The following LRFN1 variants were observed in gnomAD, a reference collection of about 807,000 sequenced individuals.
LRFN1 encodes the protein leucine-rich repeat and fibronectin type III domain-containing protein 1.
Under a neutral mutation model 31.8 loss-of-function variants are expected in LRFN1, and 20 were observed. The ratio of observed to expected loss-of-function variants is 0.63; its 90% CI spans 0.44 to 0.91. The LOEUF (loss-of-function observed/expected upper bound fraction) is 0.91. LRFN1 is among the 40% of genes least tolerant of loss of function. LRFN1 has a pLI of 0.00. For missense variants in LRFN1, 912 were observed against 1,129.8 expected (o/e 0.81, Z 2.76); for synonymous variants, 514 against 541.3 (o/e 0.95, Z 0.70).
chr19:39,317,048 G>A (rs1256335597), intron 2 of LRFN1, among the ~76,000 whole-genome samples: 1 of 152,072 alleles, frequency 6.6e-6, no homozygotes, highest in African/African-American at 2.4e-5. Flanking sequence ...GAGAGACCAG[G>A]GGGAGGGAGA....
At position 39,308,807 on chromosome 19, in the gene LRFN1, C is replaced by G. The variant is rs1036848559; in HGVS notation, c.1407-265G>C. On this transcript the variant is annotated intron_variant, in intron 4 of 4. Coordinates refer to ENST00000248668, the MANE Select transcript of LRFN1 (RefSeq NM_020862.2). The surrounding 1 kb of genome is among the most constrained non-coding windows in gnomAD (Gnocchi z 6.2). Reference sequence around the variant, plus strand: ...GACAATATATCTATCATTCGTATTACCTCCTCTGCATATCCCGGCCCCTGC... The same window carrying G: ...GACAATATATCTATCATTCGTATTAGCTCCTCTGCATATCCCGGCCCCTGC... Among the ~76,000 whole-genome samples, 2 of 152,220 alleles carry G rather than the reference C, an allele frequency of 1.3e-5. No homozygotes were observed. The highest frequency in any genetic ancestry group is 2.9e-5 in the Non-Finnish European group (2 of 68,046).
At chr19:39,317,147 CTG>C (rs1430305967) in intron 2 of LRFN1, among the ~76,000 whole-genome samples, 3 of 151,460 alleles carry the variant, frequency 2.0e-5, no homozygotes, top group Non-Finnish European at 1.5e-5. Context: ...AGACAGAAAA[CTG>C]AGAGTGAAGA....
In LRFN1 at chr19:39,308,533, C is replaced by T. The variant is rs142978892; in HGVS notation, c.1416G>A (p.Pro472=). Residue 472 remains proline (P), a synonymous_variant, in exon 5 of 5, where the codon CCG becomes CCA. Transcript: ENST00000248668. The surrounding 1 kb of genome is among the most constrained non-coding windows in gnomAD (Gnocchi z 6.2). ...VDDSLVYRMI[P]STSQTFLVND... ...TCACCAGGAAGGTCTGACTGGTGGACGGGATCATCCTGTAGGAGGGGGCGG... is the reference window on the plus strand; with the variant it reads ...TCACCAGGAAGGTCTGACTGGTGGATGGGATCATCCTGTAGGAGGGGGCGG... The T allele has an allele frequency of 8.0e-7, 1 of 1,256,804 alleles. No homozygotes were observed. Among genetic ancestry groups the T allele is most frequent in the African/African-American group, 1.5e-5 (1 of 66,724 alleles). The allele number at this position is 1,256,804 out of a possible 1,614,324, so 77.9% of individuals were successfully genotyped here.
chr19:39,309,331 G>A (rs1156477748), intron 4 of LRFN1, among the ~76,000 whole-genome samples: 3 of 152,092 alleles, frequency 2.0e-5, no homozygotes, highest in East Asian at 3.9e-4. Flanking sequence ...GCAGGCACCT[G>A]TAATCCTAGC....
intron 1 of LRFN1, among the ~76,000 whole-genome samples, chr19:39,320,468 C>T (rs552773010): frequency 6.6e-6 from 1 of 152,032 alleles, no homozygotes; most frequent in Admixed American, 6.5e-5. Context: ...CACCTGGGCA[C>T]ACAACCCACG....
intron 4 of LRFN1, among the ~76,000 whole-genome samples, chr19:39,309,986 C>A (rs2075145248): frequency 1.3e-5 from 2 of 152,134 alleles, no homozygotes; most frequent in African/African-American, 4.8e-5. Flanking sequence ...GAGACAGACT[C>A]TCGCTGTGTC....
intron 4 of LRFN1, among the ~76,000 whole-genome samples, chr19:39,312,211 T>C (rs930484536): frequency 1.3e-5 from 2 of 151,194 alleles, no homozygotes; most frequent in African/African-American, 4.9e-5. Context: ...GGAAAGCACC[T>C]ACTATGTGCC....
Position 39,314,622 on chromosome 19 carries a change from G to A in LRFN1, c.715C>T (p.Pro239Ser), listed in dbSNP as rs759364287. The A allele has an allele frequency of 3.7e-6, 6 of 1,610,150 alleles. No homozygotes were observed. The highest frequency in any genetic ancestry group is 4.2e-6 in the Non-Finnish European group (5 of 1,178,330). Residue 239 changes from proline to serine, a missense_variant, in exon 4 of 5, where the codon CCC (proline) becomes TCC (serine). Coordinates refer to ENST00000248668, the MANE Select transcript of LRFN1 (RefSeq NM_020862.2). ...GLFLRSQGTG[P>S]KPPTPLTVSF... ...ACGGTCAGCGGGGTGGGCGGCTTGG[G>A]CCCGGTGCCCTGCGACCTCAGGAAG...
chr19:39,311,071 A>C (rs1490901043), intron 4 of LRFN1, among the ~76,000 whole-genome samples: 1 of 152,098 alleles, frequency 6.6e-6, no homozygotes, highest in Non-Finnish European at 1.5e-5. Flanking sequence ...TCCTTCCCCT[A>C]AATAGCCAGT....
At chr19:39,319,843 A>C (rs2145040764) in intron 1 of LRFN1, among the ~76,000 whole-genome samples, 1 of 152,214 alleles carries the variant, frequency 6.6e-6, no homozygotes, top group South Asian at 2.1e-4. Flanking sequence ...GTGGAAACTC[A>C]AGAGGATTTG....
In LRFN1 at chr19:39,307,892, G is replaced by A; in HGVS notation, c.2057C>T (p.Thr686Ile). The A allele has an allele frequency of 6.4e-7, 1 of 1,565,910 alleles. No homozygotes were observed. Among genetic ancestry groups the A allele is most frequent in the African/African-American group, 1.4e-5 (1 of 72,636 alleles). ...ALEPPTSAPP[T>I]LALVPGGAAA... Reference sequence around the variant, plus strand: ...GGCTCCCCCAGGAACTAGAGCTAGAGTAGGGGGCGCCGAGGTTGGTGGCTC... The same window carrying A: ...GGCTCCCCCAGGAACTAGAGCTAGAATAGGGGGCGCCGAGGTTGGTGGCTC... The change falls in exon 5 of 5, where the codon ACT becomes ATT. Residue 686 changes from threonine to isoleucine, a missense_variant. Thr to Ile is a moderately conservative substitution (Grantham distance 89). Around this residue, in one of 2 missense-constraint regions of LRFN1, gnomAD observed 511 missense variants for 557.0 expected, o/e 0.92. Coordinates refer to ENST00000248668, the MANE Select transcript of LRFN1 (RefSeq NM_020862.2). The surrounding 1 kb of genome is among the most constrained non-coding windows in gnomAD (Gnocchi z 6.7).
chr19:39,307,745 A>C lies in LRFN1; in HGVS notation c.2204T>G (p.Leu735Arg). The change falls in exon 5 of 5, where the codon CTG becomes CGG. Residue 735 changes from leucine to arginine, a missense_variant. Physicochemically the swap from Leu to Arg is moderately radical, Grantham distance 102. This residue lies in a region of LRFN1 where 511 missense variants were observed against 557.0 expected (regional missense o/e 0.92). Coordinates refer to ENST00000248668, the MANE Select transcript of LRFN1 (RefSeq NM_020862.2). The surrounding 1 kb of genome is among the most constrained non-coding windows in gnomAD (Gnocchi z 6.7). ...RTKRHRSTPHLDGAGGGAAGE... is the reference protein window; with the variant it reads ...RTKRHRSTPHRDGAGGGAAGE... ...GGCCGCGCCCCCTCCAGCCCCGTCC[A>C]GGTGCGGCGTGGACCGGTGGCGCTT... 2.0e-6 allele frequency: 3 copies of C among 1,492,644 alleles called. No homozygotes were observed. Among genetic ancestry groups the C allele is most frequent in the Non-Finnish European group, 2.6e-6 (3 of 1,133,246 alleles). The allele number at this position is 1,492,644 out of a possible 1,614,324, so 92.5% of individuals were successfully genotyped here.
rs1224157529 is a variant in LRFN1 at position 39,307,408 on chromosome 19, A to C, written c.*225T>G. 2.3e-6 allele frequency: 1 copy of C among 443,976 alleles called. No homozygotes were observed. The highest frequency in any genetic ancestry group is 3.9e-6 in the Non-Finnish European group (1 of 257,872). 27.5% of individuals were successfully genotyped at this position (443,976 alleles called of 1,614,324 possible). On this transcript the variant is annotated 3_prime_UTR_variant, in exon 5 of 5. Transcript: ENST00000248668. The surrounding 1 kb of genome is among the most constrained non-coding windows in gnomAD (Gnocchi z 6.7). ...GGGTAGGAGGGGGGTCGAGGAGTCC[A>C]TAGGGGAAGGGAGGCCGGCAGCCGG... is the stretch of plus-strand genomic sequence containing the variant.
At chr19:39,318,468 C>G (rs921048838) in intron 1 of LRFN1, 110 bp from the exon 2 acceptor site, 1 of 152,292 alleles carries the variant, frequency 6.6e-6, no homozygotes, top group Admixed American at 6.5e-5. Context: ...TGATCACGCT[C>G]TCAGTCCTCC....
intron 4 of LRFN1, among the ~76,000 whole-genome samples, chr19:39,312,661 C>T (rs2075154886): frequency 6.6e-6 from 1 of 151,848 alleles, no homozygotes; most frequent in African/African-American, 2.4e-5. Flanking sequence ...TTAAATTAGC[C>T]CAGTGTGGTG....
chr19:39,312,282 G>C (rs1030938959), intron 4 of LRFN1, among the ~76,000 whole-genome samples: 1 of 152,004 alleles, frequency 6.6e-6, no homozygotes, highest in African/African-American at 2.4e-5. Flanking sequence ...CAGGTTTCTC[G>C]GTGAAGATCT....
Position 39,314,096 on chromosome 19 carries a change from G to C in LRFN1, c.1241C>G (p.Pro414Arg). 4 of 1,612,402 alleles carry C rather than the reference G, an allele frequency of 2.5e-6. No homozygotes were observed. The highest frequency in any genetic ancestry group is 3.4e-6 in the Non-Finnish European group (4 of 1,179,402). Residue 414 changes from proline (P) to arginine (R), a missense_variant, in exon 4 of 5, where the codon CCG (proline) becomes CGG (arginine). By Grantham distance (103) the Pro-to-Arg change is moderately radical. Coordinates refer to ENST00000248668, the MANE Select transcript of LRFN1 (RefSeq NM_020862.2). The stretch of plus-strand genomic sequence containing the variant: ...AGAATCGTTGGCACCTGGTCTGCCC[G>C]GCGTGGCGATGTCAGAGGAGCCGGG... ...TEPGSSDIAT[P>R]GRPGANDSAA...
intron 4 of LRFN1, among the ~76,000 whole-genome samples, chr19:39,312,560 T>C (rs1600483221): frequency 6.6e-6 from 1 of 152,010 alleles, no homozygotes; most frequent in Non-Finnish European, 1.5e-5. Flanking sequence ...CCCAGCACTT[T>C]GGGAGGCCAA....
chr19:39,315,124 C>T lies in LRFN1; in HGVS notation c.213G>A (p.Arg71=). The T allele has an allele frequency of 6.3e-7, 1 of 1,593,162 alleles. No homozygotes were observed. The highest frequency in any genetic ancestry group is 1.1e-5 in the South Asian group (1 of 89,702). ...CGGCGGCGATGAAGTTGTCGGTGAG[C>T]CGCAGCTCCACCACGCGCCGGTCGA... is the stretch of plus-strand genomic sequence containing the variant. ...PAIDRRVVEL[R]LTDNFIAAVR... Residue 71 remains arginine, a synonymous_variant, in exon 4 of 5, where the codon CGG becomes CGA. Coordinates refer to ENST00000248668, the MANE Select transcript of LRFN1 (RefSeq NM_020862.2). The surrounding 1 kb of genome is among the most constrained non-coding windows in gnomAD (Gnocchi z 4.7).
Sources: allele counts gnomAD v4.1 joint callset (sites outside exome capture counted in the v4.1 genomes callset), GRCh38; gene constraint gnomAD v4.1.1; regional missense constraint gnomAD v4.1.1; non-coding constraint Gnocchi (gnomAD v3.1); transcripts MANE v1.5; gene names NCBI Gene and HGNC (gene_info 2026-07-23, HGNC 2026-07-21).